Variants in PCDHA3 observed in about 807,000 individuals in gnomAD.
The protein encoded by PCDHA3 is protocadherin alpha-3.
Under a neutral mutation model 62.2 loss-of-function variants are expected in PCDHA3, and 41 were observed. That is an observed-to-expected ratio of 0.66 (90% CI 0.51 to 0.86). The LOEUF (loss-of-function observed/expected upper bound fraction) is 0.86. PCDHA3 is among the 40% of genes least tolerant of loss of function. The pLI is 0.00. For missense variants in PCDHA3, 1,304 were observed against 1,241.2 expected, an observed-to-expected ratio of 1.05 and a Z score of -0.76; for synonymous variants, 640 against 555.4, an observed-to-expected ratio of 1.15 and a Z score of -2.14.
chr5:140,980,395 G>T (rs182782153), intron 2 of PCDHA3, among the ~76,000 whole-genome samples: 4 of 152,316 alleles, frequency 2.6e-5, no homozygotes, highest in Non-Finnish European at 5.9e-5. Context: ...ACTTTGGGAG[G>T]CCGAGGTGGG....
At chr5:140,863,431 T>C (rs782746420) in intron 1 of PCDHA3, 12 of 648,614 alleles carry the variant, frequency 1.9e-5, no homozygotes, top group South Asian at 1.5e-4. Context: ...CGTAGTGGGA[T>C]CTGGTCTTAC....
At chr5:140,831,283 T>A (rs1771463407) in intron 1 of PCDHA3, 3 of 152,224 alleles carry the variant, frequency 2.0e-5, no homozygotes, top group Admixed American at 1.3e-4. Flanking sequence ...GGTCTTCTCT[T>A]CATGGAGTCT....
At chr5:140,831,487 G>GCAGC (rs1554133250) in intron 1 of PCDHA3, among the ~76,000 whole-genome samples, 60 of 89,824 alleles carry the variant, frequency 6.7e-4, no homozygotes, top group African/African-American at 2.9e-3. Flanking sequence ...AGCCTCTGGA[G>GCAGC]TTACTACACA....
At chr5:140,834,546 G>C in intron 1 of PCDHA3, 1 of 1,614,062 alleles carries the variant, frequency 6.2e-7, no homozygotes, top group South Asian at 1.1e-5. Flanking sequence ...CCTGGGGCTG[G>C]AGCTGGCGGA....
At chr5:140,888,958 A>G (rs1174377099) in intron 1 of PCDHA3, among the ~76,000 whole-genome samples, 1 of 152,010 alleles carries the variant, frequency 6.6e-6, no homozygotes, top group African/African-American at 2.4e-5. Flanking sequence ...TTTCTTTGGC[A>G]ATGTTAATGT....
At chr5:140,977,831 T>C (rs987042342) in intron 1 of PCDHA3, among the ~76,000 whole-genome samples, 3 of 152,240 alleles carry the variant, frequency 2.0e-5, no homozygotes, top group Admixed American at 1.3e-4. Flanking sequence ...AATGGTCTAT[T>C]GATATTACTA....
chr5:140,836,550 T>G, intron 1 of PCDHA3: 1 of 1,613,712 alleles, frequency 6.2e-7, no homozygotes, highest in Non-Finnish European at 8.5e-7. Context: ...GGCGTTGCGG[T>G]GCTCAGCGCC....
rs2150457668 is a variant in PCDHA3 at position 140,849,921 on chromosome 5, A to T, written c.2394+46330A>T. The T allele has an allele frequency of 1.2e-5, 19 of 1,598,094 alleles. 1 individual carries two copies. Among genetic ancestry groups the T allele is most frequent in the Non-Finnish European group, 1.5e-5 (17 of 1,167,772 alleles). Reference sequence around the variant, plus strand: ...CAACCCGCCGGGCTGCCACATCTTCACGGTGTCTGCGCGGGACGCTGACGC... The same window carrying T: ...CAACCCGCCGGGCTGCCACATCTTCTCGGTGTCTGCGCGGGACGCTGACGC... On this transcript the variant is annotated intron_variant, in intron 1 of 3. Transcript: ENST00000522353.
intron 1 of PCDHA3, chr5:140,860,422 T>A (rs1554153353): frequency 1.3e-5 from 2 of 152,130 alleles, no homozygotes; most frequent in African/African-American, 4.8e-5. Context: ...ACCATTATCC[T>A]GCAAATATGA....
Position 141,010,115 on chromosome 5 carries a change from C to A in PCDHA3, c.*178C>A, listed in dbSNP as rs1037998611. 1.2e-6 allele frequency: 2 copies of A among 1,609,682 alleles called. No individual in the cohort carries two copies. The highest frequency in any genetic ancestry group is 2.2e-5 in the South Asian group (2 of 90,640). ...CATTTAACAGGTTTTGTCGTAAAAG[C>A]TTTACTAAGTCTGGTGTTAACTCTT... On this transcript the variant is annotated 3_prime_UTR_variant, in exon 4 of 4. Transcript: ENST00000522353.
chr5:140,842,192 G>T (rs2150331449), intron 1 of PCDHA3: 27 of 1,613,606 alleles, frequency 1.7e-5, no homozygotes, highest in Non-Finnish European at 2.2e-5. Flanking sequence ...TATGGTTATT[G>T]ACCACTTTAG....
intron 1 of PCDHA3, among the ~76,000 whole-genome samples, chr5:140,938,547 C>CTTTTA (rs59072362): frequency 0.32 from 48,749 of 151,290 alleles, 8,071 homozygotes; most frequent in East Asian, 0.53. Flanking sequence ...GATTTTTATC[C>CTTTTA]TTTTATTAAT....
chr5:140,806,879 C>T, intron 1 of PCDHA3: 1 of 410,046 alleles, frequency 2.4e-6, no homozygotes, highest in Admixed American at 4.1e-5. Flanking sequence ...CACAGTAGTA[C>T]AAAATGTATT....
chr5:140,808,870 C>T (rs1463277099), intron 1 of PCDHA3: 11 of 1,613,180 alleles, frequency 6.8e-6, no homozygotes, highest in Non-Finnish European at 9.3e-6. Flanking sequence ...AAAACGACAA[C>T]GCGCCAGCAC....
At chr5:140,944,839 G>C (rs1449491788) in intron 1 of PCDHA3, among the ~76,000 whole-genome samples, 3 of 152,130 alleles carry the variant, frequency 2.0e-5, no homozygotes, top group African/African-American at 7.2e-5. Flanking sequence ...TGTAAAATGA[G>C]ATATTAGAAT....
At chr5:140,818,856 A>G (rs1442821661) in intron 1 of PCDHA3, among the ~76,000 whole-genome samples, 3 of 152,238 alleles carry the variant, frequency 2.0e-5, no homozygotes, top group African/African-American at 7.2e-5. Flanking sequence ...AACTATAGGT[A>G]GAGGCATAAA....
chr5:140,967,498 T>G, intron 1 of PCDHA3: 2 of 1,613,108 alleles, frequency 1.2e-6, no homozygotes, highest in Non-Finnish European at 1.7e-6. Flanking sequence ...CACAGATCTC[T>G]GTGCGTGTCC....
At chr5:140,807,718 C>T in intron 1 of PCDHA3, 2 of 1,614,230 alleles carry the variant, frequency 1.2e-6, no homozygotes, top group Non-Finnish European at 1.7e-6. Context: ...CAAATGAATA[C>T]TTTTCTCTGG....
chr5:140,995,954 A>G (rs2097705768), intron 3 of PCDHA3, among the ~76,000 whole-genome samples: 1 of 152,226 alleles, frequency 6.6e-6, no homozygotes, highest in South Asian at 2.1e-4. Context: ...TGCACGCAAA[A>G]TGCTTAGAAC....
Sources: allele counts gnomAD v4.1 joint callset (sites outside exome capture counted in the v4.1 genomes callset), GRCh38; gene constraint gnomAD v4.1.1; transcripts MANE v1.5; gene names NCBI Gene and HGNC (gene_info 2026-07-23, HGNC 2026-07-21).